Variants in SPAG16 observed in about 807,000 individuals in gnomAD.
SPAG16 encodes sperm associated antigen 16.
In SPAG16, 86 loss-of-function variants were observed where a neutral mutation model predicts 80.4. The ratio of observed to expected loss-of-function variants is 1.07; its 90% CI spans 0.90 to 1.28. The LOEUF (loss-of-function observed/expected upper bound fraction) is 1.28, where lower values mean the gene tolerates loss of function less well. Among genes scored for constraint, SPAG16 ranks in the 50% most tolerant of loss-of-function variants. The probability of loss-of-function intolerance (pLI) is 0.00; values close to 1 mark genes in which losing one functional copy is unlikely to be tolerated. For synonymous variants in SPAG16, 294 were observed against 265.9 expected (o/e 1.11, Z -1.03); for missense variants, 870 against 765.3 (o/e 1.14, Z -1.61).
intron 10 of SPAG16, among the ~76,000 whole-genome samples, chr2:213,678,490 C>T (rs1258177260): frequency 6.6e-6 from 1 of 152,158 alleles, no homozygotes; most frequent in Non-Finnish European, 1.5e-5. Context: ...ACTACAAACA[C>T]CTCTACACAA....
At chr2:213,520,447 C>T (rs992569641) in intron 10 of SPAG16, among the ~76,000 whole-genome samples, 1 of 150,352 alleles carries the variant, frequency 6.7e-6, no homozygotes, top group Non-Finnish European at 1.5e-5. Context: ...AAAAAAAATT[C>T]GCTGGGCGTG....
At chr2:213,610,497 T>C (rs115647255) in intron 10 of SPAG16, among the ~76,000 whole-genome samples, 1 of 152,302 alleles carries the variant, frequency 6.6e-6, no homozygotes, top group African/African-American at 2.4e-5. Context: ...CCCCATCCCA[T>C]AACCTTTTTA....
At chr2:214,040,935 C>A (rs1293079912) in intron 13 of SPAG16, among the ~76,000 whole-genome samples, 3 of 151,952 alleles carry the variant, frequency 2.0e-5, no homozygotes, top group African/African-American at 7.2e-5. Context: ...AATTCTTTTC[C>A]ATTATTTTAC....
chr2:214,101,433 G>A (rs1290034089), intron 13 of SPAG16, among the ~76,000 whole-genome samples: 1 of 152,034 alleles, frequency 6.6e-6, no homozygotes, highest in African/African-American at 2.4e-5. Context: ...CTGCCAGAGG[G>A]AAAAGGGACT....
intron 15 of SPAG16, among the ~76,000 whole-genome samples, chr2:214,305,256 T>C (rs908375745): frequency 2.6e-5 from 4 of 152,214 alleles, no homozygotes; most frequent in African/African-American, 9.6e-5. Flanking sequence ...AAGTTTCTTG[T>C]AGACTCTTGT....
chr2:213,360,584 C>T (rs1003060008), intron 7 of SPAG16, among the ~76,000 whole-genome samples: 1 of 152,120 alleles, frequency 6.6e-6, no homozygotes, highest in African/African-American at 2.4e-5. Context: ...GTTTGTGTAC[C>T]CTTCTTACAA....
At chr2:213,661,563 T>C (rs912787344) in intron 10 of SPAG16, among the ~76,000 whole-genome samples, 3 of 152,182 alleles carry the variant, frequency 2.0e-5, no homozygotes, top group Admixed American at 6.5e-5. Flanking sequence ...GGCTTCAGCA[T>C]GTGAAAGTGG....
At chr2:214,361,462 A>G (rs528649131) in intron 15 of SPAG16, among the ~76,000 whole-genome samples, 1 of 151,878 alleles carries the variant, frequency 6.6e-6, no homozygotes, top group Non-Finnish European at 1.5e-5. Flanking sequence ...ATAGAGTCAC[A>G]TTAAATGTGA....
intron 11 of SPAG16, among the ~76,000 whole-genome samples, chr2:213,902,032 A>G (rs2077240721): frequency 6.6e-6 from 1 of 152,248 alleles, no homozygotes. Context: ...CGTGAAAAAC[A>G]GGTATAACAG....
rs138439346 is a variant in SPAG16 at position 213,333,536 on chromosome 2, A to C, written c.537-6627A>C. Among the ~76,000 whole-genome samples the C allele has an allele frequency of 3.3e-5, 5 of 152,272 alleles. No individual in the cohort carries two copies. The East Asian group carries it at 7.7e-4, about 23-fold the overall frequency. On this transcript the variant is annotated intron_variant, in intron 5 of 15. Coordinates refer to ENST00000331683, the MANE Select transcript of SPAG16 (RefSeq NM_024532.5). ...TTATGTAGAATCACAAAAGATCCAG[A>C]ATAGGCAAAGCTATCCTAAGCAAAG...
intron 10 of SPAG16, among the ~76,000 whole-genome samples, chr2:213,614,652 C>T (rs2061538275): frequency 6.6e-6 from 1 of 152,122 alleles, no homozygotes; most frequent in Non-Finnish European, 1.5e-5. Context: ...AGCAATAGTC[C>T]CACATAGGTC....
At chr2:213,954,139 ATTTTT>A (rs367719207) in intron 12 of SPAG16, among the ~76,000 whole-genome samples, 1 of 141,452 alleles carries the variant, frequency 7.1e-6, no homozygotes. Flanking sequence ...AGTCACTCCT[ATTTTT>A]TTTTTTTTTT....
intron 15 of SPAG16, among the ~76,000 whole-genome samples, chr2:214,365,298 T>C (rs1175025498): frequency 6.6e-6 from 1 of 152,200 alleles, no homozygotes; most frequent in East Asian, 1.9e-4. Context: ...TCAGGATTGC[T>C]TTCCTTTCCC....
chr2:213,481,318 T>G (rs1485805922), intron 9 of SPAG16, among the ~76,000 whole-genome samples: 5 of 152,238 alleles, frequency 3.3e-5, no homozygotes, highest in Non-Finnish European at 5.9e-5. Context: ...AGTAAACTGC[T>G]AGTAGAGAAA....
intron 12 of SPAG16, among the ~76,000 whole-genome samples, chr2:213,934,831 G>A (rs770187144): frequency 2.6e-4 from 39 of 152,192 alleles, no homozygotes; most frequent in Non-Finnish European, 5.0e-4. Context: ...CAATTGTCAA[G>A]CTGCTTGAAG....
At chr2:213,653,123 T>C (rs557655250) in intron 10 of SPAG16, among the ~76,000 whole-genome samples, 4 of 152,258 alleles carry the variant, frequency 2.6e-5, no homozygotes, top group African/African-American at 9.6e-5. Flanking sequence ...AGTCTTTTTT[T>C]ACAGCTCCGG....
At chr2:213,726,118 C>T (rs13008787) in intron 10 of SPAG16, among the ~76,000 whole-genome samples, 32,473 of 152,142 alleles carry the variant, frequency 0.21, 4,265 homozygotes, top group Middle Eastern at 0.33. Flanking sequence ...GACTTCCTCT[C>T]CCTGCTGAAG....
At position 213,457,159 on chromosome 2, in the gene SPAG16, C is replaced by A. The variant is rs374461382; in HGVS notation, c.943-32804C>A. Among the ~76,000 whole-genome samples, 6 of 152,274 alleles carry A rather than the reference C, an allele frequency of 3.9e-5. No individual in the cohort carries two copies. The South Asian group carries it at 1.2e-3, about 32-fold the overall frequency. ...CATGTTTTTCTAATTTCCTTCCCTG[C>A]AATCCTGTCTACCAGGAAATTGTTT... On this transcript the variant is annotated intron_variant, in intron 9 of 15. Transcript: ENST00000331683.
intron 10 of SPAG16, among the ~76,000 whole-genome samples, chr2:213,817,903 C>T (rs535666162): frequency 6.6e-6 from 1 of 152,176 alleles, no homozygotes; most frequent in South Asian, 2.1e-4. Context: ...TCAGTTGTAC[C>T]CTGATCCTCA....
Sources: gnomAD v4.1 joint callset for allele counts (sites outside exome capture counted in the v4.1 genomes callset) on GRCh38, gnomAD v4.1.1 for gene constraint, MANE v1.5 for transcripts, NCBI Gene and HGNC (gene_info 2026-07-23, HGNC 2026-07-21) for gene names.